Variants in WDR64 observed in about 807,000 individuals in gnomAD.
WDR64 encodes the protein WD repeat domain 64.
Under a neutral mutation model 139.3 loss-of-function variants are expected in WDR64, and 112 were observed. The ratio of observed to expected loss-of-function variants is 0.80; its 90% CI spans 0.69 to 0.94. The LOEUF (loss-of-function observed/expected upper bound fraction) is 0.94. Among genes scored for constraint, WDR64 ranks in the 40% least tolerant of loss-of-function variants. The probability of loss-of-function intolerance (pLI) is 0.00; values close to 1 mark genes in which losing one functional copy is unlikely to be tolerated. For synonymous variants in WDR64, 444 were observed against 437.7 expected, an observed-to-expected ratio of 1.01 and a Z score of -0.18; for missense variants, 1,206 against 1,293.1, an observed-to-expected ratio of 0.93 and a Z score of 1.03.
chr1:241,779,206 G>A (rs1455858687), intron 21 of WDR64, among the ~76,000 whole-genome samples: 2 of 151,818 alleles, frequency 1.3e-5, no homozygotes, highest in African/African-American at 2.4e-5. Context: ...TCTTGCTTGC[G>A]TTGCTTTTGA....
chr1:241,793,980 G>A (rs368615636), intron 25 of WDR64, among the ~76,000 whole-genome samples: 3 of 152,032 alleles, frequency 2.0e-5, no homozygotes, highest in Admixed American at 6.6e-5. Context: ...TCAGGAGTTC[G>A]AGACCAGCCT....
In WDR64 at chr1:241,656,405, T is replaced by C. The variant is rs1178711161; in HGVS notation, c.145+3776T>C. On this transcript the variant is annotated intron_variant, in intron 1 of 27. Transcript: ENST00000437684. The surrounding 1 kb of genome is among the most constrained non-coding windows in gnomAD (Gnocchi z 4.3). ...GTGAGTGACCTGGGGGAATTAATTT[T>C]ATCCCAGGACAAAGAAAGTCTCATT... 6.6e-6 allele frequency among the ~76,000 whole-genome samples: 1 copy of C among 152,214 alleles called. No homozygotes were observed. The highest frequency in any genetic ancestry group is 1.5e-5 in the Non-Finnish European group (1 of 68,038).
At position 241,741,582 on chromosome 1, in the gene WDR64, C is replaced by T. The variant is rs759303600; in HGVS notation, c.1388C>T (p.Thr463Ile). The T allele has an allele frequency of 2.2e-5, 36 of 1,613,536 alleles. No homozygotes were observed. The Middle Eastern group carries it at 8.2e-4, about 37-fold the overall frequency. The change falls in exon 12 of 28, where the codon ACT (threonine) becomes ATT (isoleucine). Residue 463 changes from threonine to isoleucine, a missense_variant. Physicochemically the swap from Thr to Ile is moderately conservative, Grantham distance 89. Transcript: ENST00000437684. ...MIQDTKQVPH[T>I]HEREINVMLY... Reference sequence around the variant, plus strand: ...CAAGATACAAAACAGGTTCCTCACACTCATGAACGAGAAATCAATGTCATG... The same window carrying T: ...CAAGATACAAAACAGGTTCCTCACATTCATGAACGAGAAATCAATGTCATG...
At chr1:241,666,390 C>A (rs745778963) in intron 2 of WDR64, among the ~76,000 whole-genome samples, 1 of 152,054 alleles carries the variant, frequency 6.6e-6, no homozygotes, top group Non-Finnish European at 1.5e-5. Flanking sequence ...CCAAATTTTT[C>A]TCAATAAATT....
chr1:241,694,976 T>C lies in WDR64; in HGVS notation c.974+7381T>C, dbSNP rs1667427985. Among the ~76,000 whole-genome samples the C allele has an allele frequency of 2.6e-5, 4 of 152,178 alleles. No homozygotes were observed. The South Asian group carries it at 8.3e-4, about 31-fold the overall frequency. On this transcript the variant is annotated intron_variant, in intron 8 of 27. Coordinates refer to ENST00000437684, the MANE Select transcript of WDR64 (RefSeq NM_001367482.1). ...AAAATTTAAGTGGTAAGATAAAACA[T>C]ACAGACATAAAGTCAGTGGTATGTT...
rs985680213 is a variant in WDR64, at chr1:241,690,468, CA to C, written c.974+2883del. ...CCTGGGCGACAGAGGGAGACTCTGT[CA>C]AAAAAAAAACAAAAACTTGAAATGA... is the stretch of plus-strand genomic sequence containing the variant. On this transcript the variant is annotated intron_variant, in intron 8 of 27. Transcript: ENST00000437684. 8.1e-5 allele frequency among the ~76,000 whole-genome samples: 11 copies of C among 135,518 alleles called. No individual in the cohort carries two copies. In the South Asian group the frequency reaches 1.7e-3, roughly 21 times the overall value. 88.9% of individuals were successfully genotyped at this position (135,518 alleles called of 152,430 possible). A position where few individuals can be genotyped will look rare whatever the true frequency, so the allele number is the denominator to read the frequency against.
intron 8 of WDR64, among the ~76,000 whole-genome samples, chr1:241,702,032 T>G (rs1667732316): frequency 6.6e-6 from 1 of 152,210 alleles, no homozygotes; most frequent in Admixed American, 6.5e-5. Flanking sequence ...TTTGTAATTT[T>G]GTATGGTAAT....
chr1:241,765,595 C>A (rs1189940722), intron 15 of WDR64, among the ~76,000 whole-genome samples: 2 of 152,206 alleles, frequency 1.3e-5, no homozygotes, highest in Admixed American at 6.5e-5. Flanking sequence ...ATAGACCTCT[C>A]CTCTTATTTA....
At chr1:241,733,424 G>A (rs975889631) in intron 10 of WDR64, among the ~76,000 whole-genome samples, 1 of 151,926 alleles carries the variant, frequency 6.6e-6, no homozygotes, top group African/African-American at 2.4e-5. Flanking sequence ...GCAGTGAGCC[G>A]AGATCATGCC....
At chr1:241,662,395 G>T (rs1182771716) in intron 2 of WDR64, among the ~76,000 whole-genome samples, 2 of 152,118 alleles carry the variant, frequency 1.3e-5, no homozygotes, top group South Asian at 2.1e-4. Context: ...CCTTGCCGTT[G>T]TAAGTCTCAA....
intron 8 of WDR64, among the ~76,000 whole-genome samples, chr1:241,688,040 T>C (rs900193909): frequency 6.6e-6 from 1 of 152,340 alleles, no homozygotes; most frequent in East Asian, 1.9e-4. Flanking sequence ...TTGTCTTATT[T>C]TCAATCTGGT....
chr1:241,729,005 A>C (rs1668969123), intron 10 of WDR64, among the ~76,000 whole-genome samples: 1 of 152,146 alleles, frequency 6.6e-6, no homozygotes, highest in Non-Finnish European at 1.5e-5. Flanking sequence ...GTTATCTTTA[A>C]AAAAAATTCT....
In WDR64 at chr1:241,736,415, T is replaced by TAA. The variant is rs59588872; in HGVS notation, c.1195-1931_1195-1930dup. On this transcript the variant is annotated intron_variant, in intron 10 of 27. Coordinates refer to ENST00000437684, the MANE Select transcript of WDR64 (RefSeq NM_001367482.1). ...CTTTAGTTCTCTTTATGGAAGAGTT[T>TAA]AAAAAAAAAAAAAAAAAAGAGTAGG... Among the ~76,000 whole-genome samples the TAA allele has an allele frequency of 3.8e-3, 516 of 134,630 alleles. 4 individuals carry two copies. The highest frequency in any genetic ancestry group is 0.03 in the South Asian group (125 of 4,126). The allele number at this position is 134,630 out of a possible 152,430, so 88.3% of individuals were successfully genotyped here.
rs1338099391 is a variant in WDR64 at position 241,711,831 on chromosome 1, G to A, written c.1004G>A (p.Gly335Glu). The A allele has an allele frequency of 1.9e-6, 3 of 1,614,076 alleles. No homozygotes were observed. The highest frequency in any genetic ancestry group is 2.7e-5 in the African/African-American group (2 of 75,016). Residue 335 changes from glycine to glutamate, a missense_variant, in exon 9 of 28, where the codon GGA (glycine) becomes GAA (glutamate). Transcript: ENST00000437684. ...GTCAGAGAGTTTTCCATGCCAAGAGGAGCCAACACTTTTTGCTACTGTGTT... is the reference window on the plus strand; with the variant it reads ...GTCAGAGAGTTTTCCATGCCAAGAGAAGCCAACACTTTTTGCTACTGTGTT... ...LPVREFSMPR[G>E]ANTFCYCVKA...
At chr1:241,684,069 T>C (rs1666917919) in intron 7 of WDR64, among the ~76,000 whole-genome samples, 1 of 152,106 alleles carries the variant, frequency 6.6e-6, no homozygotes, top group African/African-American at 2.4e-5. Flanking sequence ...CACTTGAAGA[T>C]AGGAAAAGTT....
rs1670229459 is a variant in WDR64, at chr1:241,757,274, C to T, written c.1771-9C>T. On this transcript the variant is annotated splice_polypyrimidine_tract_variant and intron_variant, in intron 14 of 27. Transcript: ENST00000437684. ...AACTTTTCATGCACTCACTGGATTT[C>T]TGTTAAAGGGTAAGGAAGATGATAT... 6.2e-7 allele frequency: 1 copy of T among 1,605,662 alleles called. No homozygotes were observed. The highest frequency in any genetic ancestry group is 8.5e-7 in the Non-Finnish European group (1 of 1,176,892).
At chr1:241,737,031 T>C (rs564277205) in intron 10 of WDR64, among the ~76,000 whole-genome samples, 58 of 152,334 alleles carry the variant, frequency 3.8e-4, no homozygotes, top group Non-Finnish European at 7.5e-4. Flanking sequence ...TTTTGGTGAA[T>C]TCCTTGAATC....
rs374456512 is a variant in WDR64 at position 241,703,957 on chromosome 1, G to A, written c.975-7845G>A. 4.7e-4 allele frequency among the ~76,000 whole-genome samples: 72 copies of A among 152,238 alleles called. No individual in the cohort carries two copies. Among genetic ancestry groups the A allele is most frequent in the African/African-American group, 1.4e-3 (57 of 41,532 alleles). On this transcript the variant is annotated intron_variant, in intron 8 of 27. Transcript: ENST00000437684. This position sits in a 1 kb window ranked among gnomAD's most constrained non-coding sequence, Gnocchi z 5.9. Reference sequence around the variant, plus strand: ...ACACAAGAACAACACGGGAGAAGCCGCCCCCATGAACCAATCACCTCCCAC... The same window carrying A: ...ACACAAGAACAACACGGGAGAAGCCACCCCCATGAACCAATCACCTCCCAC...
At chr1:241,715,613 C>A (rs1485584031) in intron 9 of WDR64, among the ~76,000 whole-genome samples, 4 of 152,178 alleles carry the variant, frequency 2.6e-5, no homozygotes, top group Admixed American at 6.5e-5. Flanking sequence ...AAACCCTGCA[C>A]ATGAAACCCT....
Sources: gnomAD v4.1 joint callset for allele counts (sites outside exome capture counted in the v4.1 genomes callset) on GRCh38, gnomAD v4.1.1 for gene constraint, Gnocchi (gnomAD v3.1) non-coding constraint, MANE v1.5 for transcripts, NCBI Gene and HGNC (gene_info 2026-07-23, HGNC 2026-07-21) for gene names.